The following SEPTIN10 variants were observed in gnomAD, a reference collection of about 807,000 sequenced individuals.
SEPTIN10 encodes the protein septin 10.
A neutral mutation model predicts 54.8 loss-of-function variants in SEPTIN10; 66 were observed. The observed-to-expected ratio is 1.21, with a 90% CI of 0.99 to 1.48. The LOEUF is 1.48. SEPTIN10 is among the 40% of genes most tolerant of loss of function. The pLI, the probability that SEPTIN10 is intolerant of heterozygous loss-of-function variation, is 0.00. For missense variants in SEPTIN10, 620 were observed against 545.6 expected, an observed-to-expected ratio of 1.14 and a Z score of -1.36; for synonymous variants, 161 against 181.0, an observed-to-expected ratio of 0.89 and a Z score of 0.89.
chr2:109,609,353 C>T (rs1398703808), intron 1 of SEPTIN10, among the ~76,000 whole-genome samples: 3 of 152,058 alleles, frequency 2.0e-5, no homozygotes, highest in African/African-American at 7.2e-5. Flanking sequence ...ATACAGGTTG[C>T]TCTTCCAGAA....
intron 2 of SEPTIN10, among the ~76,000 whole-genome samples, chr2:109,590,787 GA>G: frequency 6.6e-6 from 1 of 152,128 alleles, no homozygotes; most frequent in Non-Finnish European, 1.5e-5. Context: ...GAAGCATGAA[GA>G]GAACTCCACC....
Position 109,564,542 on chromosome 2 carries a change from A to C in SEPTIN10, c.860-8T>G. ...AGTGGTTTTCATTTTCCACTAGCCAAAAAAAAATAAGAAAAGAACAACACT... is the reference window on the plus strand; with the variant it reads ...AGTGGTTTTCATTTTCCACTAGCCACAAAAAAATAAGAAAAGAACAACACT... On this transcript the variant is annotated splice_polypyrimidine_tract_variant and splice_region_variant and intron_variant, in intron 7 of 10. Transcript: ENST00000397712. The C allele has an allele frequency of 6.8e-7, 1 of 1,477,378 alleles. No individual in the cohort carries two copies. The allele number at this position is 1,477,378 out of a possible 1,614,324, so 91.5% of individuals were successfully genotyped here.
intron 9 of SEPTIN10, among the ~76,000 whole-genome samples, chr2:109,551,641 T>A (rs28464093): frequency 0.082 from 12,431 of 152,262 alleles, 520 homozygotes; most frequent in Non-Finnish European, 0.089. Context: ...TTCTGTTGTT[T>A]GAACTTTTTC....
At chr2:109,588,691 G>A (rs1220171893) in intron 2 of SEPTIN10, among the ~76,000 whole-genome samples, 6 of 150,766 alleles carry the variant, frequency 4.0e-5, no homozygotes, top group East Asian at 2.0e-4. Context: ...GGGTTTCACC[G>A]TGTTGGCCAG....
At chr2:109,557,324 G>C (rs1462774132) in intron 8 of SEPTIN10, among the ~76,000 whole-genome samples, 1 of 152,168 alleles carries the variant, frequency 6.6e-6, no homozygotes, top group Non-Finnish European at 1.5e-5. Context: ...AACATTTGTT[G>C]AGTATCTGCT....
chr2:109,593,409 C>CTTTTTTTTTTT (rs766138431), intron 1 of SEPTIN10, among the ~76,000 whole-genome samples: 6 of 133,780 alleles, frequency 4.5e-5, no homozygotes, highest in African/African-American at 8.5e-5. Context: ...AGAGAAAGAA[C>CTTTTTTTTTTT]TTTTTTTTTT....
chr2:109,550,200 C>G (rs1353603689), intron 9 of SEPTIN10, among the ~76,000 whole-genome samples: 3 of 151,586 alleles, frequency 2.0e-5, no homozygotes, highest in African/African-American at 4.8e-5. Context: ...TGAGGCAGGA[C>G]AATTGCTTGA....
chr2:109,613,230 T>C (rs996274384), intron 1 of SEPTIN10: 14 of 1,269,470 alleles, frequency 1.1e-5, no homozygotes, highest in Non-Finnish European at 1.3e-5. Flanking sequence ...CAAAAGTAAC[T>C]GGAAAGGTTC....
intron 1 of SEPTIN10, among the ~76,000 whole-genome samples, chr2:109,609,925 A>G (rs1016692364): frequency 6.6e-6 from 1 of 152,178 alleles, no homozygotes. Context: ...AAGATCCACT[A>G]TCTCAGTCAA....
In SEPTIN10 at chr2:109,585,321, C is replaced by A. The variant is rs1420379192; in HGVS notation, c.218G>T (p.Gly73Val). 4 of 1,595,592 alleles carry A rather than the reference C, an allele frequency of 2.5e-6. No homozygotes were observed. Among genetic ancestry groups the A allele is most frequent in the South Asian group, 2.3e-5 (2 of 87,510 alleles). ...TGTTGATTTTCCAATTCCAGTTTCC[C>A]CTGAAACACACAAAGGTACATCTTT... ...QGFCFNILCVGETGIGKSTLI... is the reference protein window; with the variant it reads ...QGFCFNILCVVETGIGKSTLI... The change falls in exon 4 of 11, where the codon GGG becomes GTG. Residue 73 changes from glycine to valine, a missense_variant and splice_region_variant. Transcript: ENST00000397712.
intron 8 of SEPTIN10, among the ~76,000 whole-genome samples, chr2:109,553,722 C>T (rs1484148471): frequency 6.6e-6 from 1 of 151,722 alleles, no homozygotes; most frequent in African/African-American, 2.4e-5. Flanking sequence ...GGCATGGTGG[C>T]GTGCGCCTGT....
intron 2 of SEPTIN10, among the ~76,000 whole-genome samples, chr2:109,592,270 G>A (rs1454503820): frequency 6.6e-6 from 1 of 151,872 alleles, no homozygotes; most frequent in African/African-American, 2.4e-5. Context: ...TTCGAGACCA[G>A]CCTGGGCAAC....
chr2:109,546,227 T>C lies in SEPTIN10; in HGVS notation c.1172A>G (p.Lys391Arg), dbSNP rs1348572270. 1.9e-6 allele frequency: 3 copies of C among 1,551,012 alleles called. No individual in the cohort carries two copies. The highest frequency in any genetic ancestry group is 1.2e-5 in the South Asian group (1 of 81,298). The change falls in exon 10 of 11, where the codon AAA becomes AGA. Residue 391 changes from lysine (K) to arginine (R), a missense_variant. Physicochemically the swap from Lys to Arg is conservative, Grantham distance 26. Transcript: ENST00000397712. The part of the protein sequence containing the change: ...LKEAERELQA[K>R]FEHLKRLHQE... ...GTGAAGTCTCTTAAGGTGCTCAAAT[T>C]TGGCCTGTAGCTGGAAACAAAAGTG...
intron 1 of SEPTIN10, among the ~76,000 whole-genome samples, chr2:109,606,642 TA>T (rs34689689): frequency 0.89 from 122,156 of 137,234 alleles, 54,453 homozygotes; most frequent in Middle Eastern, 0.97. Context: ...TCCCTTTTAT[TA>T]AAAAAAAAAT....
At chr2:109,569,904 A>G (rs1477385381) in intron 5 of SEPTIN10, among the ~76,000 whole-genome samples, 2 of 152,094 alleles carry the variant, frequency 1.3e-5, no homozygotes, top group Non-Finnish European at 2.9e-5. Context: ...TTAGTAACAG[A>G]AAACAACTAT....
At chr2:109,600,850 G>A (rs931699996) in intron 1 of SEPTIN10, among the ~76,000 whole-genome samples, 5 of 152,078 alleles carry the variant, frequency 3.3e-5, no homozygotes, top group Non-Finnish European at 5.9e-5. Context: ...CCCCCATCTC[G>A]GGTTCAATTA....
intron 2 of SEPTIN10, 104 bp from the exon 3 acceptor site, chr2:109,585,942 T>C: frequency 1.3e-6 from 1 of 783,538 alleles, no homozygotes; most frequent in Non-Finnish European, 2.1e-6. Context: ...TAAATGAAAA[T>C]TTTTATAATC....
intron 6 of SEPTIN10, 96 bp from the exon 7 acceptor site, chr2:109,565,955 C>G: frequency 8.8e-7 from 1 of 1,131,558 alleles, no homozygotes; most frequent in South Asian, 1.3e-5. Flanking sequence ...AATTAAATAA[C>G]AAACCTATTA....
rs567800226 is a variant in SEPTIN10 at position 109,568,628 on chromosome 2, A to C, written c.601-652T>G. Reference sequence around the variant, plus strand: ...TCTCTCAAAATCTTGCAATTTCATCATACACTTAAAAAGTAAAATGTGATA... The same window carrying C: ...TCTCTCAAAATCTTGCAATTTCATCCTACACTTAAAAAGTAAAATGTGATA... On this transcript the variant is annotated intron_variant, in intron 5 of 10. Transcript: ENST00000397712. 3.9e-5 allele frequency among the ~76,000 whole-genome samples: 6 copies of C among 152,042 alleles called. 1 individual carries two copies. The highest frequency in any genetic ancestry group is 1.4e-4 in the African/African-American group (6 of 41,470).
Sources: gnomAD v4.1 joint callset for allele counts (sites outside exome capture counted in the v4.1 genomes callset) on GRCh38, gnomAD v4.1.1 for gene constraint, MANE v1.5 for transcripts, NCBI Gene and HGNC (gene_info 2026-07-23, HGNC 2026-07-21) for gene names.